CPNE4: variants seen among roughly 807,000 people sequenced by gnomAD.
CPNE4 encodes copine 4, also known as copine-4.
Under a neutral mutation model 67.9 loss-of-function variants are expected in CPNE4, and 25 were observed. The ratio of observed to expected loss-of-function variants is 0.37; its 90% confidence interval spans 0.27 to 0.51. The LOEUF is 0.51. CPNE4 is among the 20% of genes least tolerant of loss of function. The pLI is 0.93. For missense variants in CPNE4, 464 were observed against 690.8 expected (o/e 0.67, Z 3.68); for synonymous variants, 242 against 244.9 (o/e 0.99, Z 0.11).
intron 2 of CPNE4, among the ~76,000 whole-genome samples, chr3:131,728,818 G>C (rs1002017108): frequency 1.3e-5 from 2 of 149,780 alleles, no homozygotes; most frequent in Non-Finnish European, 2.9e-5. Context: ...GCTGAGGCGG[G>C]AGAATGGCGT....
intron 2 of CPNE4, among the ~76,000 whole-genome samples, chr3:131,792,720 T>TAC (rs1491408314): frequency 1.7e-4 from 19 of 112,002 alleles, no homozygotes; most frequent in South Asian, 2.7e-4. Flanking sequence ...TGTATATATG[T>TAC]ATATATATAC....
At chr3:131,784,483 G>T (rs1294699953) in intron 2 of CPNE4, among the ~76,000 whole-genome samples, 1 of 152,032 alleles carries the variant, frequency 6.6e-6, no homozygotes, top group Non-Finnish European at 1.5e-5. Flanking sequence ...GACACTATGA[G>T]AATTCATGTA....
chr3:131,895,322 A>G (rs540642989), intron 2 of CPNE4, among the ~76,000 whole-genome samples: 1 of 152,120 alleles, frequency 6.6e-6, no homozygotes, highest in East Asian at 1.9e-4. Flanking sequence ...GTTAACAGTA[A>G]AATGCTGTTT....
At chr3:131,687,393 T>C (rs555759191) in intron 5 of CPNE4, among the ~76,000 whole-genome samples, 2 of 152,332 alleles carry the variant, frequency 1.3e-5, no homozygotes, top group East Asian at 1.9e-4. Flanking sequence ...AATGAATGAA[T>C]AAATACATAA....
Position 131,723,902 on chromosome 3 carries a change from T to C in CPNE4, c.181-277A>G, listed in dbSNP as rs150760709. On this transcript the variant is annotated intron_variant, in intron 2 of 15. Transcript: ENST00000429747. ...ACAAAATTGTATCATTATATCATTA[T>C]GTCATTTTGTTGATGGGAAAACTGA... is the stretch of plus-strand genomic sequence containing the variant. 2.1e-4 allele frequency among the ~76,000 whole-genome samples: 32 copies of C among 152,296 alleles called. No individual in the cohort carries two copies. The East Asian group carries it at 5.4e-3, about 26-fold the overall frequency.
intron 2 of CPNE4, among the ~76,000 whole-genome samples, chr3:131,900,243 G>A (rs1188083031): frequency 7.5e-6 from 1 of 133,830 alleles, no homozygotes; most frequent in Non-Finnish European, 1.6e-5. Flanking sequence ...ATGAAAAGGT[G>A]CTCAACATCA....
intron 7 of CPNE4, among the ~76,000 whole-genome samples, chr3:131,631,326 T>C (rs2079215511): frequency 6.6e-6 from 1 of 152,188 alleles, no homozygotes; most frequent in Non-Finnish European, 1.5e-5. Context: ...TCCTTTGACA[T>C]GTCTCTCCGG....
chr3:131,823,264 T>A (rs1386073287), intron 2 of CPNE4, among the ~76,000 whole-genome samples: 1 of 152,250 alleles, frequency 6.6e-6, no homozygotes, highest in Non-Finnish European at 1.5e-5. Flanking sequence ...TCAGTCCTCA[T>A]TGCAAGCTTG....
chr3:131,579,076 C>T (rs1046457468), intron 9 of CPNE4, among the ~76,000 whole-genome samples: 3 of 152,164 alleles, frequency 2.0e-5, no homozygotes, highest in Admixed American at 1.3e-4. Context: ...CACTGCCTGG[C>T]TTCAAATCTT....
At chr3:131,549,886 G>C in intron 14 of CPNE4, 61 bp downstream of exon 14, 1 of 1,583,706 alleles carries the variant, frequency 6.3e-7, no homozygotes. Context: ...TGGGTCTTAC[G>C]GCCAATATCC....
intron 3 of CPNE4, 30 bp from the exon 4 acceptor site, chr3:131,700,010 A>T (rs759177005): frequency 1.3e-6 from 2 of 1,538,014 alleles, no homozygotes; most frequent in Non-Finnish European, 1.8e-6. Context: ...AGGTAACAAA[A>T]GGTAGAGATA....
intron 8 of CPNE4, among the ~76,000 whole-genome samples, chr3:131,586,131 A>G (rs932091504): frequency 3.9e-5 from 6 of 152,050 alleles, no homozygotes; most frequent in African/African-American, 1.5e-4. Flanking sequence ...TCTAATTAGC[A>G]CTTCTGATCA....
intron 7 of CPNE4, among the ~76,000 whole-genome samples, chr3:131,604,790 A>G (rs1288667195): frequency 2.0e-5 from 3 of 151,922 alleles, no homozygotes; most frequent in Non-Finnish European, 4.4e-5. Flanking sequence ...CTAGTCTATT[A>G]GTTCTGTCCC....
intron 11 of CPNE4, among the ~76,000 whole-genome samples, chr3:131,559,189 A>G (rs1936624762): frequency 6.6e-6 from 1 of 152,096 alleles, no homozygotes; most frequent in Non-Finnish European, 1.5e-5. Context: ...AGTTCATTGA[A>G]GAAAACGTTT....
intron 2 of CPNE4, among the ~76,000 whole-genome samples, chr3:131,821,043 T>C (rs1280270615): frequency 1.3e-5 from 2 of 152,182 alleles, no homozygotes; most frequent in African/African-American, 4.8e-5. Flanking sequence ...TGCCAAAATC[T>C]TCCCACATTT....
chr3:131,786,267 C>G (rs1250729866), intron 2 of CPNE4, among the ~76,000 whole-genome samples: 1 of 151,694 alleles, frequency 6.6e-6, no homozygotes, highest in Non-Finnish European at 1.5e-5. Flanking sequence ...TTTATGTTGT[C>G]TAGTATTTCT....
intron 7 of CPNE4, among the ~76,000 whole-genome samples, chr3:131,626,804 C>T (rs537111220): frequency 1.3e-5 from 2 of 152,258 alleles, no homozygotes; most frequent in Admixed American, 6.5e-5. Context: ...AGTCAATGCC[C>T]GGCTTCAGAT....
intron 2 of CPNE4, among the ~76,000 whole-genome samples, chr3:131,818,683 G>A (rs2107962824): frequency 6.6e-6 from 1 of 152,314 alleles, no homozygotes; most frequent in Non-Finnish European, 1.5e-5. Context: ...GAAGCACAAT[G>A]TTTTTGTTTA....
At chr3:132,032,867 T>C (rs2074265632) in intron 1 of CPNE4, among the ~76,000 whole-genome samples, 2 of 152,232 alleles carry the variant, frequency 1.3e-5, no homozygotes, top group Admixed American at 6.5e-5. Flanking sequence ...TTCCGAAACT[T>C]GAAGGGCATC....
Sources: gnomAD v4.1 joint callset for allele counts (sites outside exome capture counted in the v4.1 genomes callset) on GRCh38, gnomAD v4.1.1 for gene constraint, MANE v1.5 for transcripts, NCBI Gene and HGNC (gene_info 2026-07-23, HGNC 2026-07-21) for gene names.